The following CFAP44 variants were observed in gnomAD, a reference collection of about 807,000 sequenced individuals.
CFAP44 encodes the protein cilia- and flagella-associated protein 44.
CFAP44 carries 134 observed loss-of-function variants against 216.2 expected under a neutral mutation model. The observed-to-expected ratio is 0.62, with a 90% CI of 0.54 to 0.72. The LOEUF (loss-of-function observed/expected upper bound fraction) is 0.72. Ranked by LOEUF, CFAP44 falls within the 30% of genes least tolerant of loss-of-function variation. CFAP44 has a pLI of 0.00. For missense variants in CFAP44, 2,035 were observed against 2,182.1 expected (o/e 0.93, Z 1.34); for synonymous variants, 700 against 727.6 (o/e 0.96, Z 0.61).
At chr3:113,334,211 A>G (rs918291198) in intron 24 of CFAP44, among the ~76,000 whole-genome samples, 3 of 152,160 alleles carry the variant, frequency 2.0e-5, no homozygotes, top group Non-Finnish European at 4.4e-5. Flanking sequence ...CAGCCTCCCA[A>G]TGTGCTGGGA....
At chr3:113,430,675 C>T (rs1935084728) in intron 2 of CFAP44, among the ~76,000 whole-genome samples, 1 of 151,966 alleles carries the variant, frequency 6.6e-6, no homozygotes. Context: ...AAATAGAGAG[C>T]CCTCTATTTA....
Position 113,362,931 on chromosome 3 carries a change from A to C in CFAP44, c.2934+214T>G. 2.3e-6 allele frequency: 3 copies of C among 1,291,320 alleles called. No individual in the cohort carries two copies. In the East Asian group the frequency reaches 9.3e-5, roughly 40 times the overall value. The allele number at this position is 1,291,320 out of a possible 1,614,324, so 80.0% of individuals were successfully genotyped here. On this transcript the variant is annotated intron_variant, in intron 21 of 34. Coordinates refer to ENST00000393845, the MANE Select transcript of CFAP44 (RefSeq NM_001164496.2). ...GTGTTCTATAACAACAGTTGATGTA[A>C]AACAATTTGTGTCAACAAGAATCTT...
intron 15 of CFAP44, among the ~76,000 whole-genome samples, chr3:113,382,974 G>C (rs1381341607): frequency 6.6e-6 from 1 of 152,234 alleles, no homozygotes. Flanking sequence ...CGATTTCATG[G>C]ATTATGTCCA....
chr3:113,348,141 T>C (rs572157484), intron 22 of CFAP44, among the ~76,000 whole-genome samples: 22 of 152,196 alleles, frequency 1.4e-4, no homozygotes, highest in Non-Finnish European at 2.2e-4. Flanking sequence ...TGCTGCTGCA[T>C]TGGTGAGTGC....
intron 15 of CFAP44, among the ~76,000 whole-genome samples, chr3:113,382,827 G>A: frequency 6.6e-6 from 1 of 152,186 alleles, no homozygotes; most frequent in East Asian, 1.9e-4. Flanking sequence ...AGGGCTCCTG[G>A]TTTTTCTATG....
rs542481952 is a variant in CFAP44, at chr3:113,392,605, A to C, written c.1890+3145T>G. 2.6e-5 allele frequency among the ~76,000 whole-genome samples: 4 copies of C among 152,284 alleles called. No individual in the cohort carries two copies. In the East Asian group the frequency reaches 7.7e-4, roughly 29 times the overall value. On this transcript the variant is annotated intron_variant, in intron 15 of 34. Transcript: ENST00000393845. ...AAAGGATAAATGCTTGAGGTGACGGATATCCCATTTACCCTCATATGATTA... is the reference window on the plus strand; with the variant it reads ...AAAGGATAAATGCTTGAGGTGACGGCTATCCCATTTACCCTCATATGATTA...
intron 18 of CFAP44, among the ~76,000 whole-genome samples, chr3:113,370,188 C>T (rs528846379): frequency 3.9e-5 from 6 of 152,272 alleles, no homozygotes; most frequent in African/African-American, 1.4e-4. Flanking sequence ...TGAAACTATT[C>T]CAATCAATAG....
intron 24 of CFAP44, among the ~76,000 whole-genome samples, chr3:113,337,298 G>T (rs1038706341): frequency 6.6e-6 from 1 of 151,754 alleles, no homozygotes; most frequent in Non-Finnish European, 1.5e-5. Context: ...ACTGATGAAA[G>T]AAATCAAAAA....
At position 113,406,978 on chromosome 3, in the gene CFAP44, G is replaced by A. The variant is rs201564695; in HGVS notation, c.954C>T (p.Gly318=). 1.7e-4 allele frequency: 269 copies of A among 1,613,900 alleles called. No individual in the cohort carries two copies. Among genetic ancestry groups the A allele is most frequent in the Middle Eastern group, 1.6e-4 (1 of 6,080 alleles). ...CTTCTATATCAGTAGTGATTGTTTT[G>A]CCAAATCGACCTAGTGATCCCTGCA... ...LKLQGSLGRF[G]KTITTDIEGY... Residue 318 remains glycine, a synonymous_variant, in exon 8 of 35, where the codon GGC becomes GGT. Coordinates refer to ENST00000393845, the MANE Select transcript of CFAP44 (RefSeq NM_001164496.2).
intron 4 of CFAP44, among the ~76,000 whole-genome samples, chr3:113,425,792 T>A (rs901919918): frequency 6.6e-6 from 1 of 152,190 alleles, no homozygotes; most frequent in Admixed American, 6.5e-5. Context: ...TAAATTAAGA[T>A]CATGCATTTC....
intron 4 of CFAP44, among the ~76,000 whole-genome samples, chr3:113,423,245 G>A (rs1934868651): frequency 6.6e-6 from 1 of 151,254 alleles, no homozygotes; most frequent in African/African-American, 2.4e-5. Context: ...CCCCCAGGTA[G>A]CTGAGACTAC....
intron 28 of CFAP44, among the ~76,000 whole-genome samples, chr3:113,316,644 G>A (rs1157262306): frequency 6.6e-6 from 1 of 152,062 alleles, no homozygotes; most frequent in Non-Finnish European, 1.5e-5. Flanking sequence ...CGAGGTGGGT[G>A]GATCACTTGA....
intron 23 of CFAP44, 147 bp from the exon 24 acceptor site, chr3:113,342,065 G>A: frequency 9.8e-7 from 1 of 1,016,364 alleles, no homozygotes; most frequent in Non-Finnish European, 1.4e-6. Context: ...AGTTGTGGTG[G>A]CTCTTGCCTG....
At chr3:113,312,427 G>C (rs540136524) in intron 28 of CFAP44, among the ~76,000 whole-genome samples, 1 of 152,026 alleles carries the variant, frequency 6.6e-6, no homozygotes, top group South Asian at 2.1e-4. Flanking sequence ...TAAAAGTTTG[G>C]AAAATTTGCA....
rs933355343 is a variant in CFAP44, at chr3:113,396,806, G to A, written c.1570-79C>T. The A allele has an allele frequency of 3.6e-6, 5 of 1,381,494 alleles. No homozygotes were observed. The African/African-American group carries it at 4.4e-5, about 12-fold the overall frequency. 85.6% of individuals were successfully genotyped at this position (1,381,494 alleles called of 1,614,324 possible). A position where few individuals can be genotyped will look rare whatever the true frequency, so the allele number is the denominator to read the frequency against. On this transcript the variant is annotated intron_variant, in intron 13 of 34. Transcript: ENST00000393845. ...TACTATATAACAGATATTTTATTTA[G>A]ACTCAGGTAATTTAATATTGGCTGC...
intron 24 of CFAP44, among the ~76,000 whole-genome samples, chr3:113,337,546 G>T (rs979091795): frequency 3.9e-5 from 6 of 152,106 alleles, no homozygotes; most frequent in African/African-American, 1.4e-4. Flanking sequence ...TGGATTTCAA[G>T]ATCTATTATA....
At chr3:113,379,277 G>A (rs781759814) in intron 17 of CFAP44, 29 bp downstream of exon 17, 6 of 1,437,024 alleles carry the variant, frequency 4.2e-6, no homozygotes, top group Non-Finnish European at 5.6e-6. Flanking sequence ...AAATATGATT[G>A]AGGTAAAAAT....
At chr3:113,302,726 G>A (rs1002302842) in intron 32 of CFAP44, among the ~76,000 whole-genome samples, 13 of 134,338 alleles carry the variant, frequency 9.7e-5, no homozygotes, top group African/African-American at 2.8e-4. Context: ...ACGCCACCAC[G>A]ATAGAGGTGA....
chr3:113,360,040 A>T (rs1364795908), intron 21 of CFAP44, among the ~76,000 whole-genome samples: 2 of 152,092 alleles, frequency 1.3e-5, no homozygotes, highest in African/African-American at 2.4e-5. Context: ...AAGAGTTGAT[A>T]ACCAGATTCA....
Sources: gnomAD v4.1 joint callset for allele counts (sites outside exome capture counted in the v4.1 genomes callset) on GRCh38, gnomAD v4.1.1 for gene constraint, MANE v1.5 for transcripts, NCBI Gene and HGNC (gene_info 2026-07-23, HGNC 2026-07-21) for gene names.